The following DCC variants were observed in gnomAD, a reference collection of about 807,000 sequenced individuals.
DCC encodes the protein netrin receptor DCC.
In DCC, 58 loss-of-function variants were observed where a neutral mutation model predicts 172.5. The observed-to-expected ratio is 0.34, with a 90% CI of 0.27 to 0.42. DCC has a LOEUF of 0.42. DCC is among the 10% of genes least tolerant of loss of function. The pLI is 1.00. For synonymous variants in DCC, 709 were observed against 644.5 expected (o/e 1.10, Z -1.52); for missense variants, 1,740 against 1,791.0 (o/e 0.97, Z 0.51).
chr18:52,745,352 G>A (rs970894844), intron 1 of DCC, among the ~76,000 whole-genome samples: 1 of 152,220 alleles, frequency 6.6e-6, no homozygotes, highest in Non-Finnish European at 1.5e-5. Context: ...GCCACCAGAT[G>A]TTTTGGAGCA....
At chr18:52,541,605 A>G (rs1320336568) in intron 1 of DCC, among the ~76,000 whole-genome samples, 1 of 152,092 alleles carries the variant, frequency 6.6e-6, no homozygotes, top group Admixed American at 6.5e-5. Context: ...TCTAACCTCA[A>G]TATTTTATAA....
Position 52,949,647 on chromosome 18 carries a change from T to C in DCC, c.985+24277T>C, listed in dbSNP as rs1018057757. The stretch of plus-strand genomic sequence containing the variant: ...GACCCAAGTATGTGTGGTAAAGAGA[T>C]GACTGCTTTCCTCTTGCCTTCAAAG... On this transcript the variant is annotated intron_variant, in intron 5 of 28. Transcript: ENST00000442544. 5.9e-5 allele frequency among the ~76,000 whole-genome samples: 9 copies of C among 152,226 alleles called. No individual in the cohort carries two copies. The South Asian group carries it at 6.2e-4, about 10-fold the overall frequency.
chr18:53,085,682 G>A (rs1003102910), intron 7 of DCC, among the ~76,000 whole-genome samples: 15 of 151,752 alleles, frequency 9.9e-5, no homozygotes, highest in Non-Finnish European at 2.1e-4. Context: ...TTTTTAAATA[G>A]GAATATAAAG....
chr18:53,510,731 C>A (rs2046241127), intron 27 of DCC, among the ~76,000 whole-genome samples: 1 of 152,180 alleles, frequency 6.6e-6, no homozygotes, highest in Non-Finnish European at 1.5e-5. Context: ...CCCATTTAAA[C>A]TGGAACAAGT....
intron 2 of DCC, among the ~76,000 whole-genome samples, chr18:52,795,673 T>C (rs1228982802): frequency 6.6e-6 from 1 of 152,008 alleles, no homozygotes; most frequent in Non-Finnish European, 1.5e-5. Context: ...TCTAGTTCCT[T>C]AAGGTGCATT....
chr18:53,457,453 T>G (rs1483414597), intron 23 of DCC, among the ~76,000 whole-genome samples: 1 of 152,236 alleles, frequency 6.6e-6, no homozygotes, highest in African/African-American at 2.4e-5. Context: ...AGTTTGGCTA[T>G]GTTTTCCTGA....
chr18:52,444,898 A>G (rs1467418758), intron 1 of DCC, among the ~76,000 whole-genome samples: 2 of 152,208 alleles, frequency 1.3e-5, no homozygotes, highest in African/African-American at 4.8e-5. Context: ...CTGGTCATCA[A>G]TTCAGCAATT....
chr18:52,453,712 A>G (rs1988375751), intron 1 of DCC, among the ~76,000 whole-genome samples: 1 of 152,078 alleles, frequency 6.6e-6, no homozygotes, highest in African/African-American at 2.4e-5. Flanking sequence ...AATACTGACT[A>G]AATTTCACAT....
chr18:52,911,452 A>G (rs1468534251), intron 3 of DCC, among the ~76,000 whole-genome samples: 1 of 152,166 alleles, frequency 6.6e-6, no homozygotes, highest in East Asian at 1.9e-4. Context: ...CAGATTAAGT[A>G]ACATGCCCTA....
chr18:52,537,099 A>C (rs1368314881), intron 1 of DCC, among the ~76,000 whole-genome samples: 1 of 152,148 alleles, frequency 6.6e-6, no homozygotes, highest in Non-Finnish European at 1.5e-5. Flanking sequence ...GTGAACTCTG[A>C]TTTTTCTTCA....
At chr18:52,495,670 C>G (rs1219863548) in intron 1 of DCC, among the ~76,000 whole-genome samples, 1 of 152,064 alleles carries the variant, frequency 6.6e-6, no homozygotes, top group African/African-American at 2.4e-5. Flanking sequence ...AGTAAATCAT[C>G]TTAAGGGTGT....
At position 52,967,989 on chromosome 18, in the gene DCC, C is replaced by A. The variant is rs371166501; in HGVS notation, c.985+42619C>A. On this transcript the variant is annotated intron_variant, in intron 5 of 28. Transcript: ENST00000442544. ...ACATTTTACTTTGTTCAATGGTCAT[C>A]AGATTTTTGAAATTTCTCTCTTTGT... 1.2e-4 allele frequency among the ~76,000 whole-genome samples: 19 copies of A among 152,224 alleles called. No homozygotes were observed. In the South Asian group the frequency reaches 3.5e-3, roughly 28 times the overall value.
intron 12 of DCC, among the ~76,000 whole-genome samples, chr18:53,259,941 A>T (rs2056573981): frequency 6.6e-6 from 1 of 151,888 alleles, no homozygotes; most frequent in Non-Finnish European, 1.5e-5. Flanking sequence ...TTCTCACTTC[A>T]TTTCATTCAT....
At chr18:52,892,355 G>A (rs995385979) in intron 2 of DCC, 2 of 152,056 alleles carry the variant, frequency 1.3e-5, no homozygotes, top group Non-Finnish European at 2.9e-5. Context: ...AAGAAGCAGG[G>A]TAGAAATATA....
chr18:52,510,044 C>T (rs940896868), intron 1 of DCC, among the ~76,000 whole-genome samples: 4 of 151,470 alleles, frequency 2.6e-5, no homozygotes, highest in Admixed American at 6.6e-5. Flanking sequence ...GCGGAGGTTA[C>T]GGTGAGCTGA....
intron 1 of DCC, among the ~76,000 whole-genome samples, chr18:52,610,319 G>T (rs1250454469): frequency 8.5e-6 from 1 of 117,606 alleles, no homozygotes; most frequent in Non-Finnish European, 1.6e-5. Flanking sequence ...GGCAGAGTTT[G>T]CAGTGAGCCG....
rs115448040 is a variant in DCC at position 52,914,463 on chromosome 18, A to T, written c.697+8135A>T. On this transcript the variant is annotated intron_variant, in intron 3 of 28. Transcript: ENST00000442544. ...GTCATTTTTAGTACTGAATTGGTGT[A>T]AATGAGGAAGGAAAATAATAGAATC... Among the ~76,000 whole-genome samples the T allele has an allele frequency of 4.9e-3, 747 of 152,326 alleles. 6 individuals are homozygous for T. The highest frequency in any genetic ancestry group is 0.017 in the African/African-American group (719 of 41,580).
At chr18:52,937,041 A>T (rs1446851464) in intron 5 of DCC, among the ~76,000 whole-genome samples, 5 of 152,098 alleles carry the variant, frequency 3.3e-5, no homozygotes, top group Admixed American at 3.3e-4. Context: ...TCACCAAAGG[A>T]GTAGAATTGC....
intron 5 of DCC, among the ~76,000 whole-genome samples, chr18:52,986,137 G>T (rs1426782801): frequency 6.6e-6 from 1 of 152,142 alleles, no homozygotes; most frequent in African/African-American, 2.4e-5. Flanking sequence ...GCTCCAAAGT[G>T]GGGCTGACCA....
Sources: allele counts gnomAD v4.1 joint callset (sites outside exome capture counted in the v4.1 genomes callset), GRCh38; gene constraint gnomAD v4.1.1; transcripts MANE v1.5; gene names NCBI Gene and HGNC (gene_info 2026-07-23, HGNC 2026-07-21).